Variants in USP2 observed in about 807,000 individuals in gnomAD.
USP2 encodes the protein ubiquitin carboxyl-terminal hydrolase 2.
A neutral mutation model predicts 72.0 loss-of-function variants in USP2; 33 were observed. The ratio of observed to expected loss-of-function variants is 0.46; its 90% CI spans 0.35 to 0.61. The LOEUF (loss-of-function observed/expected upper bound fraction) is 0.61. Ranked by LOEUF, USP2 falls within the 20% of genes least tolerant of loss-of-function variation. The probability of loss-of-function intolerance (pLI) is 0.01; values close to 1 mark genes in which losing one functional copy is unlikely to be tolerated. For missense variants in USP2, 691 were observed against 797.8 expected (o/e 0.87, Z 1.61); for synonymous variants, 296 against 312.5 (o/e 0.95, Z 0.56).
chr11:119,374,643 CCCAGAGGCCTTCCATCA>C (rs1262717946), intron 1 of USP2, among the ~76,000 whole-genome samples: 2 of 152,140 alleles, frequency 1.3e-5, no homozygotes, highest in Non-Finnish European at 2.9e-5. Context: ...GTTGGGGACC[CCCAGAGGCCTTCCATCA>C]CCGTAAACGT....
In USP2 at chr11:119,381,549, C is replaced by T. The variant is rs1208410425; in HGVS notation, c.-118G>A. 2.5e-5 allele frequency: 39 copies of T among 1,535,888 alleles called. No individual in the cohort carries two copies. The highest frequency in any genetic ancestry group is 3.3e-5 in the Non-Finnish European group (38 of 1,146,840). On this transcript the variant is annotated 5_prime_UTR_variant, in exon 1 of 13. Transcript: ENST00000260187. Reference sequence around the variant, plus strand: ...GCGGGTGAGTCCCGGCTGGCGCTGGCGCGGCGCAGTGAGCACCAGCTGACG... The same window carrying T: ...GCGGGTGAGTCCCGGCTGGCGCTGGTGCGGCGCAGTGAGCACCAGCTGACG...
rs1318391070 is a variant in USP2, at chr11:119,373,474, G to C, written c.7C>G (p.Gln3Glu). The change falls in exon 2 of 13, where the codon CAG becomes GAG. Residue 3 changes from glutamine to glutamate, a missense_variant. By Grantham distance (29) the Gln-to-Glu change is conservative (BLOSUM62 2). Coordinates refer to ENST00000260187, the MANE Select transcript of USP2 (RefSeq NM_004205.5). Reference sequence around the variant, plus strand: ...TAGCGCTTCAGGGTGGAGGAGAGCTGGGACATCCTTCAGGGTGGCACTCAG... The same window carrying C: ...TAGCGCTTCAGGGTGGAGGAGAGCTCGGACATCCTTCAGGGTGGCACTCAG... MS[Q>E]LSSTLKRYTE... 1 of 1,578,860 alleles carries C rather than the reference G, an allele frequency of 6.3e-7. No individual in the cohort carries two copies. Among genetic ancestry groups the C allele is most frequent in the Non-Finnish European group, 8.6e-7 (1 of 1,168,604 alleles).
chr11:119,363,759 C>G (rs1010710745), intron 2 of USP2: 1 of 1,066,584 alleles, frequency 9.4e-7, no homozygotes, highest in African/African-American at 1.7e-5. Context: ...AATCCGTCCC[C>G]TCACCTAGGG....
intron 1 of USP2, chr11:119,376,447 G>A (rs142426941): frequency 2.8e-4 from 277 of 977,594 alleles, no homozygotes; most frequent in Non-Finnish European, 3.3e-4. Context: ...TGCCCAGTGC[G>A]GGGGGCCCCT....
In USP2 at chr11:119,358,050, A is replaced by G. The variant is rs1234094238; in HGVS notation, c.1353T>C (p.Pro451=). The part of the protein sequence containing the change: ...LSLPIAKRGY[P]EVTLMDCMRL... ...TCATGCAGTCCATTAATGTCACCTC[A>G]GGATAACCTCGCTGGGAAGGGGAAA... Residue 451 remains proline, a synonymous_variant, in exon 9 of 13, where the codon CCT becomes CCC. Coordinates refer to ENST00000260187, the MANE Select transcript of USP2 (RefSeq NM_004205.5). The G allele has an allele frequency of 6.2e-7, 1 of 1,614,226 alleles. No individual in the cohort carries two copies. The highest frequency in any genetic ancestry group is 1.7e-5 in the Admixed American group (1 of 60,024).
At position 119,373,451 on chromosome 11, in the gene USP2, G is replaced by A; in HGVS notation, c.30C>T (p.Arg10=). 6.3e-7 allele frequency: 1 copy of A among 1,595,230 alleles called. No individual in the cohort carries two copies. Among genetic ancestry groups the A allele is most frequent in the Non-Finnish European group, 8.5e-7 (1 of 1,176,868 alleles). The part of the protein sequence containing the change: MSQLSSTLK[R]YTESARYTDA... The stretch of plus-strand genomic sequence containing the variant: ...CTGTGTAGCGGGCCGATTCTGTGTA[G>A]CGCTTCAGGGTGGAGGAGAGCTGGG... The change falls in exon 2 of 13, where the codon CGC becomes CGT. Residue 10 remains arginine, a synonymous_variant. Transcript: ENST00000260187.
At chr11:119,372,432 G>A (rs562494648) in intron 2 of USP2, among the ~76,000 whole-genome samples, 1 of 152,374 alleles carries the variant, frequency 6.6e-6, no homozygotes, top group African/African-American at 2.4e-5. Flanking sequence ...GAGAAGAGTG[G>A]TTCATTGGGC....
chr11:119,365,880 C>A (rs11217256), intron 2 of USP2, among the ~76,000 whole-genome samples: 3 of 149,130 alleles, frequency 2.0e-5, no homozygotes, highest in African/African-American at 7.5e-5. Flanking sequence ...TAACTATTAC[C>A]TCTATTTTAT....
chr11:119,370,927 G>A (rs753242472), intron 2 of USP2, among the ~76,000 whole-genome samples: 1 of 152,210 alleles, frequency 6.6e-6, no homozygotes, highest in Admixed American at 6.5e-5. Flanking sequence ...GTTGGGCCAT[G>A]CCTGTGTGGG....
chr11:119,358,111 A>C, intron 8 of USP2, 38 bp downstream of exon 8: 1 of 1,614,142 alleles, frequency 6.2e-7, no homozygotes, highest in Non-Finnish European at 8.5e-7. Flanking sequence ...AAAGGACAGG[A>C]GAGGGAGTTC....
intron 2 of USP2, among the ~76,000 whole-genome samples, chr11:119,369,962 T>C (rs60558211): frequency 0.015 from 2,347 of 152,184 alleles, 64 homozygotes; most frequent in African/African-American, 0.053. Flanking sequence ...GTGGATCACC[T>C]GAGGTCAGTT....
chr11:119,357,696 G>T (rs1283558975), intron 10 of USP2, 61 bp downstream of exon 10: 2 of 1,613,132 alleles, frequency 1.2e-6, no homozygotes, highest in Non-Finnish European at 1.7e-6. Context: ...TCACCTATGG[G>T]CCCCTTGTCA....
intron 12 of USP2, 101 bp downstream of exon 12, chr11:119,357,086 G>GTA: frequency 7.6e-7 from 1 of 1,316,250 alleles, no homozygotes; most frequent in Non-Finnish European, 1.0e-6. Flanking sequence ...GGTGTAAGCC[G>GTA]TGCGGGGGGT....
chr11:119,380,072 G>A (rs896210325), intron 1 of USP2, among the ~76,000 whole-genome samples: 2 of 151,820 alleles, frequency 1.3e-5, no homozygotes, highest in African/African-American at 2.4e-5. Context: ...CCGCCAGCAC[G>A]CCCGGCTAAT....
At chr11:119,370,539 T>C (rs513841) in intron 2 of USP2, among the ~76,000 whole-genome samples, 1 of 151,980 alleles carries the variant, frequency 6.6e-6, no homozygotes, top group Non-Finnish European at 1.5e-5. Flanking sequence ...TAGAAAGAAG[T>C]GGTCCAGGCC....
intron 2 of USP2, among the ~76,000 whole-genome samples, chr11:119,367,865 C>T (rs1447509281): frequency 2.0e-5 from 3 of 152,168 alleles, no homozygotes; most frequent in African/African-American, 4.8e-5. Flanking sequence ...GTCAGTGGAG[C>T]GGCTCCCCCA....
chr11:119,360,327 C>T, intron 2 of USP2, 93 bp from the exon 3 acceptor site: 1 of 1,238,694 alleles, frequency 8.1e-7, no homozygotes, highest in Non-Finnish European at 1.2e-6. Flanking sequence ...GCTGGAGCCA[C>T]AGGCAGCAGG....
intron 11 of USP2, 26 bp from the exon 12 acceptor site, chr11:119,357,333 C>T (rs1368876218): frequency 6.2e-7 from 1 of 1,612,752 alleles, no homozygotes; most frequent in African/African-American, 1.3e-5. Context: ...CCGTCAAGCC[C>T]CCGAGGCCCC....
intron 1 of USP2, chr11:119,379,125 G>A (rs1951033095): frequency 1.0e-6 from 1 of 985,490 alleles, no homozygotes; most frequent in Non-Finnish European, 1.2e-6. Flanking sequence ...CGGAGCTCAG[G>A]TTACTGACTC....
Sources: gnomAD v4.1 joint callset for allele counts (sites outside exome capture counted in the v4.1 genomes callset) on GRCh38, gnomAD v4.1.1 for gene constraint, MANE v1.5 for transcripts, NCBI Gene and HGNC (gene_info 2026-07-23, HGNC 2026-07-21) for gene names.